Variants in ZFPM2 observed in about 807,000 individuals in gnomAD.
ZFPM2 encodes zinc finger protein, FOG family member 2.
In ZFPM2, 20 loss-of-function variants were observed where a neutral mutation model predicts 98.6. The ratio of observed to expected loss-of-function variants is 0.20; its 90% confidence interval spans 0.14 to 0.29. The LOEUF (loss-of-function observed/expected upper bound fraction) is 0.29, where lower values mean the gene tolerates loss of function less well. ZFPM2 is among the 10% of genes least tolerant of loss of function. The pLI, the probability that ZFPM2 is intolerant of heterozygous loss-of-function variation, is 1.00. For synonymous variants in ZFPM2, 518 were observed against 502.7 expected (o/e 1.03, Z -0.41); for missense variants, 1,310 against 1,388.6 (o/e 0.94, Z 0.90).
chr8:105,669,558 G>GTT (rs1179513254), intron 5 of ZFPM2, among the ~76,000 whole-genome samples: 1 of 151,690 alleles, frequency 6.6e-6, no homozygotes, highest in Non-Finnish European at 1.5e-5. Flanking sequence ...GTGTGTGTGT[G>GTT]TGTGTGTAAA....
At chr8:105,468,991 T>G (rs958517088) in intron 3 of ZFPM2, among the ~76,000 whole-genome samples, 4 of 152,064 alleles carry the variant, frequency 2.6e-5, no homozygotes, top group Non-Finnish European at 5.9e-5. Flanking sequence ...TGAGTGATTC[T>G]TTCTTGAAGA....
chr8:105,480,943 G>A (rs1813102915), intron 3 of ZFPM2, among the ~76,000 whole-genome samples: 1 of 151,984 alleles, frequency 6.6e-6, no homozygotes, highest in African/African-American at 2.4e-5. Context: ...GTAGAGACGG[G>A]GTTTCACTGT....
intron 3 of ZFPM2, among the ~76,000 whole-genome samples, chr8:105,499,799 A>G (rs1454231633): frequency 6.6e-6 from 1 of 152,142 alleles, no homozygotes; most frequent in Non-Finnish European, 1.5e-5. Flanking sequence ...AGCAGAAAGG[A>G]GCTTTTTGTA....
rs149493217 is a variant in ZFPM2, at chr8:105,783,616, C to G, written c.533-5102C>G. On this transcript the variant is annotated intron_variant, in intron 5 of 7. Coordinates refer to ENST00000407775, the MANE Select transcript of ZFPM2 (RefSeq NM_012082.4). The stretch of plus-strand genomic sequence containing the variant: ...TGTATGATTTGGGATACCTTAAGTA[C>G]TTCATGTAAGTGGAATCATACACTG... Among the ~76,000 whole-genome samples, 542 of 152,266 alleles carry G rather than the reference C, an allele frequency of 3.6e-3. 4 individuals carry two copies. Among genetic ancestry groups the G allele is most frequent in the African/African-American group, 0.012 (515 of 41,566 alleles).
intron 2 of ZFPM2, among the ~76,000 whole-genome samples, chr8:105,441,414 CAAA>C (rs879934067): frequency 1.6e-5 from 1 of 62,614 alleles, no homozygotes; most frequent in Non-Finnish European, 3.2e-5. Flanking sequence ...TCTGTCTCAA[CAAA>C]AAAAAAGAAA....
At chr8:105,626,059 C>G (rs1816648468) in intron 4 of ZFPM2, among the ~76,000 whole-genome samples, 1 of 151,752 alleles carries the variant, frequency 6.6e-6, no homozygotes, top group African/African-American at 2.4e-5. Context: ...TCAATAGCAT[C>G]AAGTGCAAAC....
intron 5 of ZFPM2, among the ~76,000 whole-genome samples, chr8:105,703,812 T>C (rs1811198263): frequency 6.6e-6 from 1 of 152,230 alleles, no homozygotes; most frequent in East Asian, 1.9e-4. Context: ...GCTCAGGTCA[T>C]ATTTAAAGAA....
intron 3 of ZFPM2, among the ~76,000 whole-genome samples, chr8:105,521,336 GA>G (rs35916002): frequency 0.34 from 43,997 of 129,108 alleles, 6,619 homozygotes; most frequent in Middle Eastern, 0.47. Context: ...ATAGTTTCAA[GA>G]AAAAAAACTG....
At chr8:105,663,538 T>C (rs1817432118) in intron 5 of ZFPM2, among the ~76,000 whole-genome samples, 2 of 152,344 alleles carry the variant, frequency 1.3e-5, no homozygotes, top group Admixed American at 1.3e-4. Context: ...TTCAGGATTT[T>C]CTCACTCACT....
intron 1 of ZFPM2, among the ~76,000 whole-genome samples, chr8:105,345,425 C>CTTTTTTTTTT (rs10560485): frequency 3.1e-5 from 3 of 98,350 alleles, no homozygotes; most frequent in African/African-American, 7.2e-5. Context: ...TCGTGATGTT[C>CTTTTTTTTTT]TTTTTTTTTT....
chr8:105,409,804 G>A (rs1423388051), intron 1 of ZFPM2, among the ~76,000 whole-genome samples: 2 of 151,716 alleles, frequency 1.3e-5, no homozygotes, highest in South Asian at 2.1e-4. Flanking sequence ...TTCTGAAATC[G>A]GTAGATCTGG....
At chr8:105,625,536 A>G (rs1586158842) in intron 4 of ZFPM2, among the ~76,000 whole-genome samples, 1 of 152,080 alleles carries the variant, frequency 6.6e-6, no homozygotes. Context: ...TTTGGTACTT[A>G]ACATTAACTG....
intron 4 of ZFPM2, among the ~76,000 whole-genome samples, chr8:105,590,785 C>G (rs1439527391): frequency 6.6e-6 from 1 of 151,936 alleles, no homozygotes; most frequent in East Asian, 1.9e-4. Context: ...CACACACACA[C>G]AGAGTCAGTG....
chr8:105,336,518 C>T (rs1294642459), intron 1 of ZFPM2, among the ~76,000 whole-genome samples: 5 of 151,326 alleles, frequency 3.3e-5, no homozygotes, highest in Admixed American at 2.0e-4. Flanking sequence ...TTGTAGTTGA[C>T]GTAAGTTTTA....
At chr8:105,781,070 G>A (rs1459789274) in intron 5 of ZFPM2, among the ~76,000 whole-genome samples, 1 of 152,072 alleles carries the variant, frequency 6.6e-6, no homozygotes, top group East Asian at 1.9e-4. Context: ...CTTAACTAAG[G>A]AAGCAAACCA....
chr8:105,331,477 G>C (rs1312222929), intron 1 of ZFPM2, among the ~76,000 whole-genome samples: 1 of 151,594 alleles, frequency 6.6e-6, no homozygotes, highest in Non-Finnish European at 1.5e-5. Context: ...TAGGGGATTT[G>C]TTGTTTCTAT....
At chr8:105,592,368 G>A (rs1259325321) in intron 4 of ZFPM2, among the ~76,000 whole-genome samples, 5 of 152,186 alleles carry the variant, frequency 3.3e-5, no homozygotes, top group South Asian at 4.2e-4. Flanking sequence ...CCATTGAAGG[G>A]TGGCCAAATT....
chr8:105,798,938 T>C lies in ZFPM2; in HGVS notation c.954T>C (p.Asn318=), dbSNP rs746256688. 11 of 1,613,658 alleles carry C rather than the reference T, an allele frequency of 6.8e-6. No homozygotes were observed. The highest frequency in any genetic ancestry group is 1.3e-5 in the African/African-American group (1 of 74,924). Residue 318 remains asparagine (N), a synonymous_variant, in exon 7 of 8, where the codon AAT becomes AAC. Transcript: ENST00000407775. ...CTCGAGCTCTAGAAATGCACCTGAA[T>C]TCACACAGTGGTAAATGCCCCTTTT... ...SNARALEMHL[N]SHSGVKMEEF...
chr8:105,347,837 C>T (rs1206973540), intron 1 of ZFPM2, among the ~76,000 whole-genome samples: 4 of 151,980 alleles, frequency 2.6e-5, no homozygotes, highest in African/African-American at 7.3e-5. Flanking sequence ...ATATTATAGC[C>T]GTTGGACATG....
Sources: allele counts gnomAD v4.1 joint callset (sites outside exome capture counted in the v4.1 genomes callset), GRCh38; gene constraint gnomAD v4.1.1; transcripts MANE v1.5; gene names NCBI Gene and HGNC (gene_info 2026-07-23, HGNC 2026-07-21).